The following ADAMTS9 variants were observed in gnomAD, a reference collection of about 807,000 sequenced individuals.
ADAMTS9 encodes ADAM metallopeptidase with thrombospondin type 1 motif 9, also known as A disintegrin and metalloproteinase with thrombospondin motifs 9.
A neutral mutation model predicts 257.1 loss-of-function variants in ADAMTS9; 107 were observed. The observed-to-expected ratio is 0.42, with a 90% confidence interval of 0.36 to 0.49. The LOEUF is 0.49. Among genes scored for constraint, ADAMTS9 ranks in the 20% least tolerant of loss-of-function variants. ADAMTS9 has a pLI of 0.03. For synonymous variants in ADAMTS9, 982 were observed against 880.9 expected (o/e 1.11, Z -2.03); for missense variants, 2,353 against 2,469.1 (o/e 0.95, Z 1.00).
chr3:64,591,203 G>C (rs1267305445), intron 28 of ADAMTS9, among the ~76,000 whole-genome samples: 1 of 152,092 alleles, frequency 6.6e-6, no homozygotes, highest in Non-Finnish European at 1.5e-5. Flanking sequence ...AACTTTGTGA[G>C]GCCAAGGCAG....
intron 8 of ADAMTS9, among the ~76,000 whole-genome samples, chr3:64,651,433 C>T (rs1489825701): frequency 6.6e-6 from 1 of 152,122 alleles, no homozygotes; most frequent in African/African-American, 2.4e-5. Context: ...TTTAAGTGTA[C>T]TTTTAGGAAT....
rs555895503 is a variant in ADAMTS9 at position 64,633,489 on chromosome 3, C to A, written c.2158G>T (p.Val720Phe). 5 of 1,614,082 alleles carry A rather than the reference C, an allele frequency of 3.1e-6. No individual in the cohort carries two copies. ...PCGQDTNDIC[V>F]QGLCRQAGCD... ...GGACTTACCCGGCAAAGGCCCTGGACACAGATATCATTTGTGTCCTGGCCA... is the reference window on the plus strand; with the variant it reads ...GGACTTACCCGGCAAAGGCCCTGGAAACAGATATCATTTGTGTCCTGGCCA... The change falls in exon 14 of 40, where the codon GTC becomes TTC. Residue 720 changes from valine to phenylalanine, a missense_variant. Physicochemically the swap from Val to Phe is conservative, Grantham distance 50 (BLOSUM62 -1). Coordinates refer to ENST00000498707, the MANE Select transcript of ADAMTS9 (RefSeq NM_182920.2).
intron 6 of ADAMTS9, 38 bp downstream of exon 6, chr3:64,655,538 T>C (rs1701046481): frequency 6.5e-7 from 1 of 1,535,550 alleles, no homozygotes; most frequent in Non-Finnish European, 9.0e-7. Flanking sequence ...CAACTTGACC[T>C]GAGACTGAAA....
intron 20 of ADAMTS9, 131 bp from the exon 21 acceptor site, chr3:64,615,616 T>C: frequency 1.0e-6 from 1 of 981,772 alleles, no homozygotes; most frequent in Admixed American, 3.0e-5. Context: ...GTTATTTTGG[T>C]GGAGATCTTT....
intron 8 of ADAMTS9, among the ~76,000 whole-genome samples, chr3:64,652,440 T>C (rs974755646): frequency 6.6e-6 from 1 of 152,228 alleles, no homozygotes; most frequent in South Asian, 2.1e-4. Flanking sequence ...AGTTCCCTGA[T>C]GCATAATCAA....
At chr3:64,682,257 G>C (rs952333470) in intron 2 of ADAMTS9, among the ~76,000 whole-genome samples, 8 of 152,166 alleles carry the variant, frequency 5.3e-5, no homozygotes, top group Non-Finnish European at 1.0e-4. Context: ...AAGAGTTACT[G>C]TGCAGATTAA....
chr3:64,583,896 C>T (rs1415600530), intron 28 of ADAMTS9: 1 of 152,144 alleles, frequency 6.6e-6, no homozygotes, highest in Non-Finnish European at 1.5e-5. Flanking sequence ...CCGTGTACAA[C>T]GTGAAATCAA....
At position 64,631,815 on chromosome 3, in the gene ADAMTS9, T is replaced by C; in HGVS notation, c.2286A>G (p.Val762=). ...CKTVAGTFNT[V]HYGYNTVVRI... ...TTAGGAGCAGATTCTTACCATAATGTACTGTATTAAATGTTCCTGCCACTG... is the reference window on the plus strand; with the variant it reads ...TTAGGAGCAGATTCTTACCATAATGCACTGTATTAAATGTTCCTGCCACTG... The change falls in exon 15 of 40, where the codon GTA becomes GTG. Residue 762 remains valine (V), a synonymous_variant. Coordinates refer to ENST00000498707, the MANE Select transcript of ADAMTS9 (RefSeq NM_182920.2). The C allele has an allele frequency of 6.2e-7, 1 of 1,611,292 alleles. No individual in the cohort carries two copies. Among genetic ancestry groups the C allele is most frequent in the Non-Finnish European group, 8.5e-7 (1 of 1,177,552 alleles).
chr3:64,570,070 T>G, intron 28 of ADAMTS9, among the ~76,000 whole-genome samples: 1 of 152,208 alleles, frequency 6.6e-6, no homozygotes, highest in African/African-American at 2.4e-5. Flanking sequence ...GTGACCAATT[T>G]TAATATTTTA....
At chr3:64,517,187 C>G (rs1298667157) in intron 39 of ADAMTS9, 66 bp from the exon 40 acceptor site, 1 of 152,496 alleles carries the variant, frequency 6.6e-6, no homozygotes. Flanking sequence ...GAATAGGCAA[C>G]TGATAAATTT....
Position 64,686,501 on chromosome 3 carries a change from A to G in ADAMTS9, c.516+67T>C, listed in dbSNP as rs2107069807. Reference sequence around the variant, plus strand: ...CAGTGAGGGTCTCTAGGCTTAGAGGACAATTAAGTCTTCTAGAAGCGGGCG... The same window carrying G: ...CAGTGAGGGTCTCTAGGCTTAGAGGGCAATTAAGTCTTCTAGAAGCGGGCG... On this transcript the variant is annotated intron_variant, in intron 2 of 39. Coordinates refer to ENST00000498707, the MANE Select transcript of ADAMTS9 (RefSeq NM_182920.2). The surrounding 1 kb of genome is among the most constrained non-coding windows in gnomAD (Gnocchi z 4.6). The G allele has an allele frequency of 3.3e-6, 5 of 1,492,960 alleles. No individual in the cohort carries two copies. The South Asian group carries it at 5.4e-5, about 16-fold the overall frequency. 92.5% of individuals were successfully genotyped at this position (1,492,960 alleles called of 1,614,324 possible).
chr3:64,619,824 T>C (rs1700060636), intron 19 of ADAMTS9, among the ~76,000 whole-genome samples: 1 of 152,140 alleles, frequency 6.6e-6, no homozygotes, highest in African/African-American at 2.4e-5. Flanking sequence ...AAGGAATCTA[T>C]CCACCAATTC....
chr3:64,552,897 C>T (rs368104364), intron 30 of ADAMTS9, among the ~76,000 whole-genome samples: 21 of 152,272 alleles, frequency 1.4e-4, no homozygotes, highest in East Asian at 3.9e-4. Context: ...AGTCTCTTTA[C>T]GGAGAACTAC....
At chr3:64,676,912 C>A (rs1262646037) in intron 3 of ADAMTS9, among the ~76,000 whole-genome samples, 1 of 152,180 alleles carries the variant, frequency 6.6e-6, no homozygotes, top group African/African-American at 2.4e-5. Flanking sequence ...GCCTTCCAGG[C>A]CCAGGCAAAC....
intron 11 of ADAMTS9, among the ~76,000 whole-genome samples, chr3:64,643,478 A>C (rs1167737759): frequency 4.4e-5 from 3 of 68,690 alleles, no homozygotes; most frequent in African/African-American, 6.5e-5. Context: ...TTTGAGACAG[A>C]GTCTTCCTCT....
chr3:64,667,968 G>C (rs142807602), intron 3 of ADAMTS9, among the ~76,000 whole-genome samples: 38 of 152,348 alleles, frequency 2.5e-4, no homozygotes, highest in African/African-American at 8.7e-4. Flanking sequence ...GTTTTACTAA[G>C]AGACTATTTA....
At chr3:64,640,269 C>A (rs1173834364) in intron 12 of ADAMTS9, among the ~76,000 whole-genome samples, 2 of 152,196 alleles carry the variant, frequency 1.3e-5, no homozygotes, top group Admixed American at 6.5e-5. Flanking sequence ...ATTTGTAGTA[C>A]AGAGTACTGA....
At chr3:64,520,298 A>C (rs913437635) in intron 39 of ADAMTS9, among the ~76,000 whole-genome samples, 1 of 152,212 alleles carries the variant, frequency 6.6e-6, no homozygotes, top group Non-Finnish European at 1.5e-5. Context: ...CATAGATGAC[A>C]CAAATAGAAA....
intron 3 of ADAMTS9, among the ~76,000 whole-genome samples, chr3:64,672,063 T>A (rs572487649): frequency 6.6e-6 from 1 of 152,324 alleles, no homozygotes; most frequent in Admixed American, 6.5e-5. Context: ...GTGAAAGGTC[T>A]GAAGGGTTCT....
Sources: gnomAD v4.1 joint callset for allele counts (sites outside exome capture counted in the v4.1 genomes callset) on GRCh38, gnomAD v4.1.1 for gene constraint, Gnocchi (gnomAD v3.1) non-coding constraint, MANE v1.5 for transcripts, NCBI Gene and HGNC (gene_info 2026-07-23, HGNC 2026-07-21) for gene names.